The following HELLS variants were observed in gnomAD, a reference collection of about 807,000 sequenced individuals.
HELLS encodes helicase, lymphoid specific, also known as lymphoid-specific helicase.
A neutral mutation model predicts 120.0 loss-of-function variants in HELLS; 32 were observed. That is an observed-to-expected ratio of 0.27 (90% CI 0.20 to 0.36). The LOEUF (loss-of-function observed/expected upper bound fraction) is 0.36, where lower values mean the gene tolerates loss of function less well. HELLS is among the 10% of genes least tolerant of loss of function. HELLS has a pLI of 1.00. For missense variants in HELLS, 650 were observed against 993.4 expected, an observed-to-expected ratio of 0.65 and a Z score of 4.65; for synonymous variants, 341 against 323.4, an observed-to-expected ratio of 1.05 and a Z score of -0.58.
intron 21 of HELLS, among the ~76,000 whole-genome samples, chr10:94,597,613 A>T (rs1442172422): frequency 6.6e-6 from 1 of 152,090 alleles, no homozygotes; most frequent in African/African-American, 2.4e-5. Flanking sequence ...GCTCACTGCA[A>T]CCTCAGCCTC....
chr10:94,588,502 G>A (rs1335931859), intron 13 of HELLS, 112 bp downstream of exon 13: 1 of 703,728 alleles, frequency 1.4e-6, no homozygotes, highest in Non-Finnish European at 2.3e-6. Flanking sequence ...GTGGTGCAGT[G>A]GCACAATCAC....
At chr10:94,562,761 C>T (rs367679020) in intron 5 of HELLS, 34 bp downstream of exon 5, 24 of 1,545,472 alleles carry the variant, frequency 1.6e-5, no homozygotes, top group Middle Eastern at 3.4e-4. Flanking sequence ...GAAGAATATG[C>T]GTTTATATTT....
chr10:94,583,097 C>T lies in HELLS; in HGVS notation c.1326+38C>T, dbSNP rs545902403. 3.1e-5 allele frequency: 37 copies of T among 1,206,088 alleles called. No homozygotes were observed. In the African/African-American group the frequency reaches 3.7e-4, roughly 12 times the overall value. The allele number at this position is 1,206,088 out of a possible 1,614,324, so 74.7% of individuals were successfully genotyped here. ...TTCTTATTCTGCTTAACCATAGGCT[C>T]GATAGAGTATAAAAGGAACTCTGGA... On this transcript the variant is annotated intron_variant, in intron 12 of 21. Transcript: ENST00000348459.
At chr10:94,597,445 T>C (rs1845794178) in intron 21 of HELLS, among the ~76,000 whole-genome samples, 1 of 152,228 alleles carries the variant, frequency 6.6e-6, no homozygotes, top group African/African-American at 2.4e-5. Context: ...CTGGATTTCT[T>C]ATTTCCAGTG....
intron 10 of HELLS, among the ~76,000 whole-genome samples, chr10:94,579,853 T>C (rs1275194808): frequency 2.0e-5 from 3 of 152,068 alleles, no homozygotes; most frequent in African/African-American, 4.8e-5. Context: ...TAGTATAACA[T>C]GAAGACCCTT....
At chr10:94,568,720 G>A (rs1843966512) in intron 6 of HELLS, among the ~76,000 whole-genome samples, 10 of 152,136 alleles carry the variant, frequency 6.6e-5, no homozygotes. Flanking sequence ...GAAATCACCT[G>A]AAAAGCTGTC....
chr10:94,589,632 T>G (rs1025457562), intron 13 of HELLS, among the ~76,000 whole-genome samples: 6 of 152,000 alleles, frequency 3.9e-5, no homozygotes, highest in Non-Finnish European at 4.4e-5. Flanking sequence ...AAATATTTAT[T>G]GTGATGCATT....
intron 12 of HELLS, 129 bp from the exon 13 acceptor site, chr10:94,588,100 A>G (rs1845270282): frequency 4.1e-6 from 2 of 487,658 alleles, no homozygotes; most frequent in East Asian, 6.5e-5. Context: ...AGATATTTTC[A>G]CCTTTTGAGA....
rs140653245 is a variant in HELLS, at chr10:94,590,774, A to C, written c.1765A>C (p.Lys589Gln). The change falls in exon 15 of 22, where the codon AAG (lysine) becomes CAG (glutamine). Residue 589 changes from lysine to glutamine, a missense_variant and splice_region_variant. Transcript: ENST00000348459. ...YPIDPVTQEFKIDEELVTNSG... is the reference protein window; with the variant it reads ...YPIDPVTQEFQIDEELVTNSG... ...TATAGACCCTGTTACACAAGAATTT[A>C]AGGTGAATACTGTTTAATTCTAATT... The C allele has an allele frequency of 4.7e-6, 7 of 1,484,346 alleles. No homozygotes were observed. In the African/African-American group the frequency reaches 7.0e-5, roughly 15 times the overall value. 91.9% of individuals were successfully genotyped at this position (1,484,346 alleles called of 1,614,324 possible).
intron 4 of HELLS, among the ~76,000 whole-genome samples, chr10:94,562,158 C>G (rs1843590304): frequency 6.6e-6 from 1 of 151,896 alleles, no homozygotes. Context: ...AATCCCAGCA[C>G]TTGGGGAGGC....
At chr10:94,549,354 G>T (rs572659250) in intron 2 of HELLS, among the ~76,000 whole-genome samples, 109 of 152,304 alleles carry the variant, frequency 7.2e-4, no homozygotes, top group African/African-American at 2.6e-3. Flanking sequence ...GAAGCATTTG[G>T]CTTTAGGAAA....
At chr10:94,547,075 CA>C (rs1208607094) in intron 2 of HELLS, among the ~76,000 whole-genome samples, 1 of 152,126 alleles carries the variant, frequency 6.6e-6, no homozygotes, top group African/African-American at 2.4e-5. Flanking sequence ...CGTACTTTTT[CA>C]ATGACAAGTT....
chr10:94,598,527 T>C (rs1589767177), intron 21 of HELLS, among the ~76,000 whole-genome samples: 1 of 152,094 alleles, frequency 6.6e-6, no homozygotes, highest in Non-Finnish European at 1.5e-5. Flanking sequence ...TGTCATGATA[T>C]CTTATTTTCA....
At chr10:94,581,790 T>C (rs1844881995) in intron 11 of HELLS, among the ~76,000 whole-genome samples, 1 of 152,232 alleles carries the variant, frequency 6.6e-6, no homozygotes, top group African/African-American at 2.4e-5. Flanking sequence ...GTTACCTTTG[T>C]AAAACATTTT....
intron 2 of HELLS, among the ~76,000 whole-genome samples, chr10:94,553,018 T>C (rs184914646): frequency 6.6e-6 from 1 of 152,272 alleles, no homozygotes; most frequent in East Asian, 1.9e-4. Context: ...ATTGTTAGGA[T>C]GAATTGTGTT....
At chr10:94,585,151 T>C (rs1342059813) in intron 12 of HELLS, among the ~76,000 whole-genome samples, 1 of 151,946 alleles carries the variant, frequency 6.6e-6, no homozygotes, top group African/African-American at 2.4e-5. Context: ...TTGCTACTTT[T>C]CTATTTCCAC....
Position 94,593,524 on chromosome 10 carries a change from A to T in HELLS, c.1997A>T (p.Glu666Val). Residue 666 changes from glutamate to valine, a missense_variant, in exon 18 of 22, where the codon GAG becomes GTG. Transcript: ENST00000348459. ...ATGCACAGCTTCAACACGGATCCAG[A>T]GGTGTTTATCTTCTTAGTGAGTACA... is the stretch of plus-strand genomic sequence containing the variant. ...KNMHSFNTDP[E>V]VFIFLVSTRA... The T allele has an allele frequency of 6.2e-7, 1 of 1,612,864 alleles. No individual in the cohort carries two copies. Among genetic ancestry groups the T allele is most frequent in the East Asian group, 2.2e-5 (1 of 44,860 alleles).
Position 94,562,823 on chromosome 10 carries a change from AAAAG to A in HELLS, c.384_387del (p.Arg129GlufsTer53). 3 of 1,573,242 alleles carry A rather than the reference AAAAG, an allele frequency of 1.9e-6. No individual in the cohort carries two copies. The highest frequency in any genetic ancestry group is 2.6e-6 in the Non-Finnish European group (3 of 1,151,128). On this transcript the variant is annotated frameshift_variant, in exon 6 of 22. Coordinates refer to ENST00000348459, the MANE Select transcript of HELLS (RefSeq NM_018063.5). LOFTEE classifies it high-confidence loss of function. The stretch of plus-strand genomic sequence containing the variant: ...ATTTTTTTTTATAGTTATGAGGAAA[AAAAG>A]AGGAAGAGAAGATGAATCATACAAT...
At chr10:94,548,437 G>A (rs772940194) in intron 2 of HELLS, among the ~76,000 whole-genome samples, 3 of 152,052 alleles carry the variant, frequency 2.0e-5, no homozygotes, top group Admixed American at 6.5e-5. Flanking sequence ...TAGGGAAATA[G>A]CATTTAAAGA....
Sources: gnomAD v4.1 joint callset for allele counts (sites outside exome capture counted in the v4.1 genomes callset) on GRCh38, gnomAD v4.1.1 for gene constraint, MANE v1.5 for transcripts, NCBI Gene and HGNC (gene_info 2026-07-23, HGNC 2026-07-21) for gene names.